The following TMBIM4 variants were observed in gnomAD, a reference collection of about 807,000 sequenced individuals.
The protein encoded by TMBIM4 is transmembrane BAX inhibitor motif containing 4.
Under a neutral mutation model 27.7 loss-of-function variants are expected in TMBIM4, and 28 were observed. The observed-to-expected ratio is 1.01, with a 90% CI of 0.75 to 1.38. The LOEUF (loss-of-function observed/expected upper bound fraction) is 1.38, where lower values mean the gene tolerates loss of function less well. Ranked by LOEUF, TMBIM4 falls within the 40% of genes most tolerant of loss-of-function variation. The pLI is 0.00. For synonymous variants in TMBIM4, 115 were observed against 113.1 expected (o/e 1.02, Z -0.11); for missense variants, 265 against 277.5 (o/e 0.95, Z 0.32).
At chr12:66,151,462 C>G (rs2051844154) in intron 3 of TMBIM4, among the ~76,000 whole-genome samples, 1 of 149,882 alleles carries the variant, frequency 6.7e-6, no homozygotes, top group African/African-American at 2.6e-5. Context: ...TGGTCTCAGA[C>G]TCTCGGACTC....
chr12:66,169,434 A>C, intron 1 of TMBIM4: 1 of 524,968 alleles, frequency 1.9e-6, no homozygotes. Flanking sequence ...GCGAAACCCC[A>C]CAGAACAAAA....
At chr12:66,169,387 C>A in intron 1 of TMBIM4, 1 of 625,832 alleles carries the variant, frequency 1.6e-6, no homozygotes, top group South Asian at 1.8e-5. Flanking sequence ...CAGGGAGCTT[C>A]CAGCCTAGCA....
intron 1 of TMBIM4, among the ~76,000 whole-genome samples, chr12:66,158,076 C>T (rs779170953): frequency 1.3e-5 from 2 of 150,886 alleles, no homozygotes; most frequent in African/African-American, 2.4e-5. Flanking sequence ...AGTACAAAAA[C>T]TTAGCTGGGC....
At position 66,153,425 on chromosome 12, in the gene TMBIM4, T is replaced by C; in HGVS notation, c.121A>G (p.Ile41Val). The change falls in exon 2 of 7, where the codon ATT (isoleucine) becomes GTT (valine). Residue 41 changes from isoleucine (I) to valine (V), a missense_variant. Physicochemically the swap from Ile to Val is conservative, Grantham distance 29. Coordinates refer to ENST00000358230, the MANE Select transcript of TMBIM4 (RefSeq NM_016056.4). ...GTTAAGAGAACCTGCAGAGAAAGAA[T>C]GCTGTAGACTTTTCTCAGAAAGGCT... ...RMAFLRKVYS[I>V]LSLQVLLTTV... 1.3e-6 allele frequency: 2 copies of C among 1,585,632 alleles called. No individual in the cohort carries two copies. The highest frequency in any genetic ancestry group is 1.7e-6 in the Non-Finnish European group (2 of 1,170,462).
intron 3 of TMBIM4, among the ~76,000 whole-genome samples, chr12:66,151,332 C>T (rs1371638481): frequency 7.9e-5 from 12 of 152,094 alleles, no homozygotes; most frequent in Non-Finnish European, 1.2e-4. Context: ...CCCGCAACCC[C>T]GTTACAGTGA....
intron 2 of TMBIM4, 60 bp from the exon 3 acceptor site, chr12:66,152,436 C>A: frequency 8.8e-7 from 1 of 1,138,218 alleles, no homozygotes; most frequent in South Asian, 1.5e-5. Flanking sequence ...GCAGTATTAT[C>A]AAATTTAATA....
At position 66,152,310 on chromosome 12, in the gene TMBIM4, T is replaced by C. The variant is rs756673116; in HGVS notation, c.273A>G (p.Arg91=). ...LGLIFALILN[R]HKYPLNLYLL... The stretch of plus-strand genomic sequence containing the variant: ...GGTACAGGTTAAGGGGATACTTATG[T>C]CTGTTTAAAATCAACGCAAAAATCA... The change falls in exon 3 of 7, where the codon AGA becomes AGG. Residue 91 remains arginine (R), a synonymous_variant. Transcript: ENST00000358230. 2 of 1,609,456 alleles carry C rather than the reference T, an allele frequency of 1.2e-6. No homozygotes were observed. The highest frequency in any genetic ancestry group is 1.7e-6 in the Non-Finnish European group (2 of 1,177,412).
At chr12:66,156,676 G>T (rs546905613) in intron 1 of TMBIM4, among the ~76,000 whole-genome samples, 3 of 152,230 alleles carry the variant, frequency 2.0e-5, no homozygotes, top group African/African-American at 7.2e-5. Context: ...GACCTACAAG[G>T]TCCCACATGA....
chr12:66,155,359 A>AGAGAGAGAGAGAGAGAGAGAGAGAGG (rs1319061177), intron 1 of TMBIM4, among the ~76,000 whole-genome samples: 179 of 150,682 alleles, frequency 1.2e-3, no homozygotes, highest in Admixed American at 1.8e-3. Context: ...AGAGAGAGAG[A>AGAGAGAGAGAGAGAGAGAGAGAGAGG]GGCAGGGTCT....
chr12:66,145,764 G>A (rs944374651), intron 5 of TMBIM4, 77 bp downstream of exon 5: 13 of 845,872 alleles, frequency 1.5e-5, no homozygotes, highest in Non-Finnish European at 2.3e-5. Flanking sequence ...AAAAATAACA[G>A]TGTAGCACAT....
At chr12:66,161,114 C>T (rs138999705) in intron 1 of TMBIM4, 3,071 of 141,260 alleles carry the variant, frequency 0.022, 45 homozygotes, top group Non-Finnish European at 0.032. Context: ...ACTTGCCCGA[C>T]GGGCCTTCTC....
chr12:66,158,162 C>G (rs2051970271), intron 1 of TMBIM4, among the ~76,000 whole-genome samples: 1 of 143,600 alleles, frequency 7.0e-6, no homozygotes, highest in Non-Finnish European at 1.5e-5. Context: ...GGAGGCGGAG[C>G]TTGCAGTGAG....
At position 66,136,058 on chromosome 12, in the gene TMBIM4, T is replaced by C. The variant is rs1362275722; in HGVS notation, c.*1902A>G. 2 of 2,186 alleles carry C rather than the reference T, an allele frequency of 9.1e-4. No individual in the cohort carries two copies. The highest frequency in any genetic ancestry group is 1.5e-3 in the Non-Finnish European group (2 of 1,330). The allele number at this position is 2,186 out of a possible 1,614,324, so 0.1% of individuals were successfully genotyped here. A position where few individuals can be genotyped will look rare whatever the true frequency, so the allele number is the denominator to read the frequency against. On this transcript the variant is annotated 3_prime_UTR_variant, in exon 7 of 7. Coordinates refer to ENST00000358230, the MANE Select transcript of TMBIM4 (RefSeq NM_016056.4). ...GTGAGAAACAACCAAGAATTATCAA[T>C]AAAAAAATAAATTAAAAAAAAAAAA...
chr12:66,166,596 C>T (rs553790326), intron 1 of TMBIM4, among the ~76,000 whole-genome samples: 1 of 152,144 alleles, frequency 6.6e-6, no homozygotes, highest in East Asian at 1.9e-4. Flanking sequence ...CAAGGAGATG[C>T]CACTACACAC....
intron 5 of TMBIM4, chr12:66,139,574 A>C: frequency 2.2e-6 from 1 of 455,794 alleles, no homozygotes; most frequent in Admixed American, 2.4e-5. Context: ...GAACCCATAC[A>C]GTCACTTGCG....
rs2051591606 is a variant in TMBIM4, at chr12:66,137,308, A to G, written c.*652T>C. Reference sequence around the variant, plus strand: ...CAGGGAAAATTTAGATAAAATCACTAGACAACGGTAAACTGATATTCTTAT... The same window carrying G: ...CAGGGAAAATTTAGATAAAATCACTGGACAACGGTAAACTGATATTCTTAT... On this transcript the variant is annotated 3_prime_UTR_variant, in exon 7 of 7. Transcript: ENST00000358230. 1 of 152,234 alleles carries G rather than the reference A, an allele frequency of 6.6e-6. No individual in the cohort carries two copies. The highest frequency in any genetic ancestry group is 1.5e-5 in the Non-Finnish European group (1 of 68,044). The allele number at this position is 152,234 out of a possible 1,614,324, so 9.4% of individuals were successfully genotyped here.
At chr12:66,165,960 T>C (rs1000568549) in intron 1 of TMBIM4, among the ~76,000 whole-genome samples, 2 of 152,214 alleles carry the variant, frequency 1.3e-5, no homozygotes, top group African/African-American at 4.8e-5. Flanking sequence ...CTGTTGCCTG[T>C]TTTTGGTGTC....
chr12:66,163,350 A>C (rs1309774374), intron 1 of TMBIM4, among the ~76,000 whole-genome samples: 1 of 152,210 alleles, frequency 6.6e-6, no homozygotes, highest in Non-Finnish European at 1.5e-5. Flanking sequence ...ATGGTGTATT[A>C]GTCCATTCTC....
intron 1 of TMBIM4, among the ~76,000 whole-genome samples, chr12:66,168,353 GA>G (rs1163887817): frequency 2.0e-5 from 3 of 152,222 alleles, no homozygotes; most frequent in Middle Eastern, 3.4e-3. Flanking sequence ...TTCACAGAGA[GA>G]GAAAGTGAAA....
Sources: allele counts gnomAD v4.1 joint callset (sites outside exome capture counted in the v4.1 genomes callset), GRCh38; gene constraint gnomAD v4.1.1; transcripts MANE v1.5; gene names NCBI Gene and HGNC (gene_info 2026-07-23, HGNC 2026-07-21).